The following AK5 variants were observed in gnomAD, a reference collection of about 807,000 sequenced individuals.
AK5 encodes the protein adenylate kinase isoenzyme 5.
A neutral mutation model predicts 69.5 loss-of-function variants in AK5; 27 were observed. The ratio of observed to expected loss-of-function variants is 0.39; its 90% CI spans 0.29 to 0.54. AK5 has a LOEUF of 0.54. Among genes scored for constraint, AK5 ranks in the 20% least tolerant of loss-of-function variants. AK5 has a pLI of 0.71. For missense variants in AK5, 531 were observed against 700.4 expected, an observed-to-expected ratio of 0.76 and a Z score of 2.73; for synonymous variants, 260 against 244.4, an observed-to-expected ratio of 1.06 and a Z score of -0.60.
At chr1:77,517,454 G>A (rs138996579) in intron 10 of AK5, among the ~76,000 whole-genome samples, 204 of 152,304 alleles carry the variant, frequency 1.3e-3, no homozygotes, top group African/African-American at 4.8e-3. Flanking sequence ...TGCAGCCTAG[G>A]CAATGGATTT....
At position 77,297,959 on chromosome 1, in the gene AK5, T is replaced by A. The variant is rs759686268; in HGVS notation, c.699+12T>A. ...CTTTTGAGGACCAAGTAAGAATATCTCCTTATATTTTAAATGAACTACTTT... is the reference window on the plus strand; with the variant it reads ...CTTTTGAGGACCAAGTAAGAATATCACCTTATATTTTAAATGAACTACTTT... On this transcript the variant is annotated intron_variant, in intron 5 of 13. Coordinates refer to ENST00000354567, the MANE Select transcript of AK5 (RefSeq NM_174858.3). The A allele has an allele frequency of 6.4e-7, 1 of 1,555,626 alleles. No homozygotes were observed. Among genetic ancestry groups the A allele is most frequent in the Non-Finnish European group, 8.7e-7 (1 of 1,149,192 alleles).
chr1:77,362,402 A>G (rs565135415), intron 6 of AK5, among the ~76,000 whole-genome samples: 1 of 152,306 alleles, frequency 6.6e-6, no homozygotes, highest in African/African-American at 2.4e-5. Flanking sequence ...CTGTCCAAGC[A>G]TATATTAATT....
chr1:77,379,556 A>G (rs1240081712), intron 6 of AK5, among the ~76,000 whole-genome samples: 1 of 152,196 alleles, frequency 6.6e-6, no homozygotes. Flanking sequence ...ATCCCCTGAT[A>G]CTGCAGGAAA....
chr1:77,403,267 GT>G (rs1649367545), intron 6 of AK5, among the ~76,000 whole-genome samples: 2 of 152,288 alleles, frequency 1.3e-5, no homozygotes, highest in Admixed American at 1.3e-4. Flanking sequence ...TCTGATGGTA[GT>G]TTCTTTTTCT....
At chr1:77,337,343 TA>T (rs1661414736) in intron 5 of AK5, among the ~76,000 whole-genome samples, 1 of 152,196 alleles carries the variant, frequency 6.6e-6, no homozygotes, top group Admixed American at 6.5e-5. Flanking sequence ...CAAAATGTAT[TA>T]AAGTAAAACA....
At chr1:77,358,357 G>A (rs946340622) in intron 6 of AK5, among the ~76,000 whole-genome samples, 1 of 152,182 alleles carries the variant, frequency 6.6e-6, no homozygotes, top group Non-Finnish European at 1.5e-5. Context: ...ACTTCACAGA[G>A]TTGGCATGAG....
intron 13 of AK5, among the ~76,000 whole-genome samples, chr1:77,548,370 T>G (rs1659647546): frequency 6.6e-6 from 1 of 152,176 alleles, no homozygotes; most frequent in African/African-American, 2.4e-5. Flanking sequence ...TTTTGAAAAC[T>G]GCATTTGATG....
chr1:77,328,860 A>G (rs1557500063), intron 5 of AK5, among the ~76,000 whole-genome samples: 2 of 152,190 alleles, frequency 1.3e-5, no homozygotes, highest in South Asian at 4.1e-4. Context: ...CAGCCTGGGT[A>G]ATTTATAAAG....
At chr1:77,479,950 G>A (rs6695572) in intron 8 of AK5, among the ~76,000 whole-genome samples, 20,957 of 152,212 alleles carry the variant, frequency 0.14, 1,941 homozygotes, top group Non-Finnish European at 0.18. Context: ...CTGATCAGAC[G>A]TCTCCTGAAT....
chr1:77,430,209 T>C (rs1570108951), intron 8 of AK5, among the ~76,000 whole-genome samples: 1 of 150,842 alleles, frequency 6.6e-6, no homozygotes, highest in Non-Finnish European at 1.5e-5. Flanking sequence ...GAGTTGATGG[T>C]GACACTGGAG....
intron 8 of AK5, among the ~76,000 whole-genome samples, chr1:77,438,548 C>T (rs1479761747): frequency 6.6e-6 from 1 of 152,112 alleles, no homozygotes; most frequent in Non-Finnish European, 1.5e-5. Context: ...AATTGGCCAT[C>T]TCACACCTAC....
At position 77,413,016 on chromosome 1, in the gene AK5, A is replaced by T. The variant is rs573364199; in HGVS notation, c.982+1945A>T. Among the ~76,000 whole-genome samples the T allele has an allele frequency of 2.0e-5, 3 of 149,628 alleles. No homozygotes were observed. In the South Asian group the frequency reaches 6.5e-4, roughly 32 times the overall value. On this transcript the variant is annotated intron_variant, in intron 7 of 13. Transcript: ENST00000354567. ...CTGCTGCCATGGAGATCTTCACAGA[A>T]TGCAGCTCTAATCATCCTGCCTTTC... is the stretch of plus-strand genomic sequence containing the variant.
rs75388724 is a variant in AK5 at position 77,415,124 on chromosome 1, A to G, written c.983-2515A>G. 5.7e-3 allele frequency among the ~76,000 whole-genome samples: 866 copies of G among 152,276 alleles called. 9 individuals carry two copies. Among genetic ancestry groups the G allele is most frequent in the African/African-American group, 0.019 (805 of 41,572 alleles). On this transcript the variant is annotated intron_variant, in intron 7 of 13. Transcript: ENST00000354567. The stretch of plus-strand genomic sequence containing the variant: ...GTCAAAAAAAAACAACATACATTTT[A>G]TTAGGAAATCCAATCTCTTCTTACT...
intron 5 of AK5, chr1:77,298,151 G>T: frequency 9.0e-6 from 4 of 444,272 alleles, no homozygotes; most frequent in East Asian, 3.5e-5. Flanking sequence ...CAAAAGGAAA[G>T]ATAACTAATA....
intron 7 of AK5, among the ~76,000 whole-genome samples, chr1:77,414,131 G>A (rs750082119): frequency 6.6e-6 from 1 of 152,144 alleles, no homozygotes; most frequent in Non-Finnish European, 1.5e-5. Flanking sequence ...TTCATTTTTA[G>A]TCATTTGGTA....
chr1:77,516,658 C>CT (rs80233576), intron 10 of AK5, among the ~76,000 whole-genome samples: 27,129 of 151,872 alleles, frequency 0.18, 2,860 homozygotes, highest in South Asian at 0.38. Context: ...TCTGTGTGGG[C>CT]ATAGGAGGCC....
Position 77,483,323 on chromosome 1 carries a change from G to A in AK5, c.1066G>A (p.Asp356Asn). The change falls in exon 9 of 14, where the codon GAC becomes AAC. Residue 356 changes from aspartate (D) to asparagine (N), a missense_variant. Asp to Asn is a conservative substitution (Grantham distance 23). Transcript: ENST00000354567. ...ATTGTGATTTTTTTAACAGGGTGATGACCAGTTAAATGTATTTGGAGAGGA... is the reference window on the plus strand; with the variant it reads ...ATTGTGATTTTTTTAACAGGGTGATAACCAGTTAAATGTATTTGGAGAGGA... ...TGSDYEDQGD[D>N]QLNVFGEDTM... 6.2e-7 allele frequency: 1 copy of A among 1,610,734 alleles called. No homozygotes were observed. The highest frequency in any genetic ancestry group is 2.2e-5 in the East Asian group (1 of 44,862).
At chr1:77,368,193 A>T (rs1345443765) in intron 6 of AK5, among the ~76,000 whole-genome samples, 2 of 108,724 alleles carry the variant, frequency 1.8e-5, no homozygotes, top group Non-Finnish European at 3.7e-5. Context: ...TTATGATTTG[A>T]CCTTACTGAA....
intron 10 of AK5, 71 bp downstream of exon 10, chr1:77,486,423 C>A: frequency 1.7e-6 from 2 of 1,168,620 alleles, no homozygotes; most frequent in Non-Finnish European, 2.5e-6. Flanking sequence ...GGGCCAGGTG[C>A]GGTGGCTTAC....
Sources: gnomAD v4.1 joint callset for allele counts (sites outside exome capture counted in the v4.1 genomes callset) on GRCh38, gnomAD v4.1.1 for gene constraint, MANE v1.5 for transcripts, NCBI Gene and HGNC (gene_info 2026-07-23, HGNC 2026-07-21) for gene names.